CALD1: variants seen among roughly 807,000 people sequenced by gnomAD.
CALD1 encodes caldesmon.
A neutral mutation model predicts 99.9 loss-of-function variants in CALD1; 33 were observed. The ratio of observed to expected loss-of-function variants is 0.33; its 90% CI spans 0.25 to 0.44. CALD1 has a LOEUF of 0.44. Ranked by LOEUF, CALD1 falls within the 20% of genes least tolerant of loss-of-function variation. CALD1 has a pLI of 1.00. For missense variants in CALD1, 861 were observed against 962.1 expected (o/e 0.89, Z 1.39); for synonymous variants, 310 against 325.0 (o/e 0.95, Z 0.50).
At chr7:134,903,592 G>A (rs1174107737) in intron 3 of CALD1, among the ~76,000 whole-genome samples, 1 of 152,102 alleles carries the variant, frequency 6.6e-6, no homozygotes, top group Non-Finnish European at 1.5e-5. Context: ...TTCTTGGCTT[G>A]TAGATGCGTC....
chr7:134,889,432 C>T (rs547698806), intron 3 of CALD1, among the ~76,000 whole-genome samples: 1 of 152,304 alleles, frequency 6.6e-6, no homozygotes, highest in South Asian at 2.1e-4. Context: ...TTCCAGCACA[C>T]CTGGATAATC....
At chr7:134,743,569 T>G (rs1231308899), upstream of CALD1, among the ~76,000 whole-genome samples, 5 of 152,216 alleles carry the variant, frequency 3.3e-5, no homozygotes, top group African/African-American at 1.2e-4. Context: ...CGAACATCTC[T>G]TTCAAAGTGG....
chr7:134,968,683 G>A lies in CALD1; in HGVS notation c.*338G>A, dbSNP rs1010138445. The A allele has an allele frequency of 7.8e-5, 41 of 527,046 alleles. 1 individual carries two copies. Among genetic ancestry groups the A allele is most frequent in the South Asian group, 6.0e-4 (35 of 58,158 alleles). The allele number at this position is 527,046 out of a possible 1,614,324, so 32.6% of individuals were successfully genotyped here. ...AAGATCCAAGTTTAAAATTGCCTGCGGAATGTGTGCAGTATCTAGAAAAAT... is the reference window on the plus strand; with the variant it reads ...AAGATCCAAGTTTAAAATTGCCTGCAGAATGTGTGCAGTATCTAGAAAAAT... On this transcript the variant is annotated 3_prime_UTR_variant, in exon 15 of 15. Coordinates refer to ENST00000361675, the MANE Select transcript of CALD1 (RefSeq NM_033138.4).
At chr7:134,924,070 G>C (rs1804806674) in intron 3 of CALD1, among the ~76,000 whole-genome samples, 1 of 152,140 alleles carries the variant, frequency 6.6e-6, no homozygotes, top group Non-Finnish European at 1.5e-5. Context: ...ATACTGTGTT[G>C]CTATTGAAAT....
chr7:134,728,342 T>C, the CALD1 span, among the ~76,000 whole-genome samples: 1 of 152,148 alleles, frequency 6.6e-6, no homozygotes, highest in East Asian at 1.9e-4. Context: ...AGAAGATTTA[T>C]GGACAGAAAA....
chr7:134,895,134 TA>T (rs1456249763), intron 3 of CALD1, among the ~76,000 whole-genome samples: 1 of 151,348 alleles, frequency 6.6e-6, no homozygotes, highest in African/African-American at 2.4e-5. Context: ...AATAAATAAA[TA>T]AATAATTGGC....
chr7:134,772,849 G>GC (rs34930677), intron 1 of CALD1, among the ~76,000 whole-genome samples: 89,543 of 151,662 alleles, frequency 0.59, 27,796 homozygotes, highest in East Asian at 0.88. Flanking sequence ...TCTAATGGTT[G>GC]TTTCTTAATG....
intron 3 of CALD1, among the ~76,000 whole-genome samples, chr7:134,926,690 A>C (rs982198155): frequency 6.6e-6 from 1 of 152,224 alleles, no homozygotes; most frequent in African/African-American, 2.4e-5. Flanking sequence ...TAACATGAGC[A>C]AACCATCATC....
chr7:134,808,809 T>C (rs1798248308), intron 1 of CALD1, among the ~76,000 whole-genome samples: 1 of 152,162 alleles, frequency 6.6e-6, no homozygotes, highest in Admixed American at 6.5e-5. Context: ...CTGACTAGAG[T>C]CCTTCATATG....
At chr7:134,766,129 C>CTCTTT (rs1342136661) in intron 1 of CALD1, among the ~76,000 whole-genome samples, 8 of 146,522 alleles carry the variant, frequency 5.5e-5, no homozygotes, top group Non-Finnish European at 8.9e-5. Flanking sequence ...CCCCTTAAAC[C>CTCTTT]TCTTTTCTTT....
intron 1 of CALD1, among the ~76,000 whole-genome samples, chr7:134,814,985 T>C (rs1050810529): frequency 2.0e-5 from 3 of 152,236 alleles, no homozygotes; most frequent in Non-Finnish European, 4.4e-5. Context: ...TGTGGCTTCC[T>C]AGATTTTGGG....
intron 1 of CALD1, among the ~76,000 whole-genome samples, chr7:134,786,868 T>G (rs894202238): frequency 6.6e-6 from 1 of 152,208 alleles, no homozygotes; most frequent in Non-Finnish European, 1.5e-5. Flanking sequence ...CCATGCATCT[T>G]AACCAGTATC....
At chr7:134,857,785 C>T (rs1306275866) in intron 2 of CALD1, among the ~76,000 whole-genome samples, 1 of 152,132 alleles carries the variant, frequency 6.6e-6, no homozygotes, top group East Asian at 1.9e-4. Context: ...TTCCAGAATA[C>T]AGTAAACACA....
chr7:134,821,933 T>C (rs940485634), intron 1 of CALD1: 1 of 152,184 alleles, frequency 6.6e-6, no homozygotes. Context: ...AGAGAGATAG[T>C]TGACTCTCTC....
chr7:134,796,691 T>A (rs1797756191), intron 1 of CALD1, among the ~76,000 whole-genome samples: 1 of 152,044 alleles, frequency 6.6e-6, no homozygotes, highest in Non-Finnish European at 1.5e-5. Context: ...GCTCAAGCAA[T>A]CATCCTGCCC....
chr7:134,939,025 T>C (rs1048104505), intron 6 of CALD1, among the ~76,000 whole-genome samples: 6 of 152,222 alleles, frequency 3.9e-5, no homozygotes, highest in Non-Finnish European at 8.8e-5. Flanking sequence ...ATTTCATGGT[T>C]ATCCCTAAAA....
At chr7:134,836,416 G>A (rs1441400260) in intron 1 of CALD1, among the ~76,000 whole-genome samples, 1 of 152,130 alleles carries the variant, frequency 6.6e-6, no homozygotes, top group African/African-American at 2.4e-5. Context: ...TTAACATCAT[G>A]CCTTACAAAC....
upstream of CALD1, among the ~76,000 whole-genome samples, chr7:134,742,016 T>TACACACACACACACACACACAC (rs112633191): frequency 6.8e-6 from 1 of 147,882 alleles, no homozygotes; most frequent in Non-Finnish European, 1.5e-5. Context: ...GAGGTATTGA[T>TACACACACACACACACACACAC]ACACACACAC....
At chr7:134,805,645 G>A (rs563711228) in intron 1 of CALD1, among the ~76,000 whole-genome samples, 1 of 152,296 alleles carries the variant, frequency 6.6e-6, no homozygotes, top group East Asian at 1.9e-4. Flanking sequence ...TAGGAGCAAG[G>A]CAGTAAAAAG....
Sources: gnomAD v4.1 joint callset for allele counts (sites outside exome capture counted in the v4.1 genomes callset) on GRCh38, gnomAD v4.1.1 for gene constraint, MANE v1.5 for transcripts, NCBI Gene and HGNC (gene_info 2026-07-23, HGNC 2026-07-21) for gene names.